Variants in TJP2 observed in about 807,000 individuals in gnomAD.
TJP2 encodes tight junction protein 2, also known as Friedreich ataxia region gene X104 (tight junction protein ZO-2).
In TJP2, 91 loss-of-function variants were observed where a neutral mutation model predicts 133.1. That is an observed-to-expected ratio of 0.68 (90% CI 0.58 to 0.81). TJP2 has a LOEUF of 0.81. TJP2 is among the 40% of genes least tolerant of loss of function. The probability of loss-of-function intolerance (pLI) is 0.00; values close to 1 mark genes in which losing one functional copy is unlikely to be tolerated. For synonymous variants in TJP2, 592 were observed against 583.4 expected (o/e 1.01, Z -0.21); for missense variants, 1,541 against 1,565.6 (o/e 0.98, Z 0.26).
At chr9:69,205,231 C>T (rs781746763) in intron 1 of TJP2, 36 of 1,537,070 alleles carry the variant, frequency 2.3e-5, no homozygotes, top group South Asian at 7.1e-5. Flanking sequence ...ATGGAAAGGC[C>T]GTGTGAGTCC....
chr9:69,132,146 G>A (rs1043629445), intron 1 of TJP2, among the ~76,000 whole-genome samples: 6 of 152,180 alleles, frequency 3.9e-5, no homozygotes, highest in Admixed American at 1.3e-4. Context: ...TCACTGCCCC[G>A]GGTTTTTACT....
intron 22 of TJP2, 71 bp downstream of exon 22, chr9:69,252,971 T>A (rs976898947): frequency 2.8e-6 from 4 of 1,446,754 alleles, no homozygotes; most frequent in Non-Finnish European, 2.9e-6. Flanking sequence ...AGAAAGAATT[T>A]CCTTTACCCA....
At position 69,221,436 on chromosome 9, in the gene TJP2, G is replaced by A. The variant is rs1483739688; in HGVS notation, c.892G>A (p.Glu298Lys). ...CCCGCACTCACGGAGCCCCAGCCCC[G>A]AGCCTAGGGGGCGGCCGGGGCCCAT... Reference protein sequence around the residue: ...EHPHSRSPSPEPRGRPGPIGV... With the variant: ...EHPHSRSPSPKPRGRPGPIGV... The change falls in exon 5 of 23, where the codon GAG (glutamate) becomes AAG (lysine). Residue 298 changes from glutamate to lysine, a missense_variant. By Grantham distance (56) the Glu-to-Lys change is moderately conservative. Coordinates refer to ENST00000377245, the MANE Select transcript of TJP2 (RefSeq NM_004817.4). 3.8e-6 allele frequency: 6 copies of A among 1,591,890 alleles called. No homozygotes were observed. The highest frequency in any genetic ancestry group is 5.1e-6 in the Non-Finnish European group (6 of 1,169,134).
intron 7 of TJP2, among the ~76,000 whole-genome samples, chr9:69,227,458 G>A (rs1829437700): frequency 6.6e-6 from 1 of 152,102 alleles, no homozygotes; most frequent in Non-Finnish European, 1.5e-5. Context: ...GGGCTGCTTG[G>A]GAAGAATTAG....
intron 1 of TJP2, among the ~76,000 whole-genome samples, chr9:69,125,440 G>A (rs1383871083): frequency 1.4e-5 from 1 of 71,094 alleles, no homozygotes; most frequent in African/African-American, 4.4e-5. Context: ...CCAAGCAGCT[G>A]GGACTACAGG....
chr9:69,121,988 G>C (rs141553042), intron 1 of TJP2: 27 of 152,322 alleles, frequency 1.8e-4, no homozygotes, highest in African/African-American at 5.8e-4. Context: ...GTACTTCATC[G>C]GGCATTTACT....
chr9:69,129,475 C>T (rs1822392790), intron 1 of TJP2, among the ~76,000 whole-genome samples: 1 of 151,950 alleles, frequency 6.6e-6, no homozygotes, highest in South Asian at 2.1e-4. Context: ...TGCACCACTG[C>T]ACTCCACCTG....
At chr9:69,133,788 T>A (rs555372737) in intron 1 of TJP2, among the ~76,000 whole-genome samples, 12 of 151,270 alleles carry the variant, frequency 7.9e-5, no homozygotes, top group African/African-American at 2.4e-4. Context: ...TGACCTCAAG[T>A]GACCCGCCTG....
At chr9:69,243,430 T>C (rs1830704125) in intron 17 of TJP2, among the ~76,000 whole-genome samples, 1 of 152,258 alleles carries the variant, frequency 6.6e-6, no homozygotes, top group Non-Finnish European at 1.5e-5. Context: ...AGAAGCTTTA[T>C]TCTGAGATTT....
In TJP2 at chr9:69,227,978, C is replaced by A; in HGVS notation, c.1320-3C>A. 6.2e-7 allele frequency: 1 copy of A among 1,614,136 alleles called. No homozygotes were observed. Among genetic ancestry groups the A allele is most frequent in the Non-Finnish European group, 8.5e-7 (1 of 1,180,014 alleles). ...AGACATTTACGTATGACATGTGATT[C>A]AGTTCCAGAGAGGACACGCCGAGCA... On this transcript the variant is annotated splice_polypyrimidine_tract_variant and splice_region_variant and intron_variant, in intron 8 of 22. Coordinates refer to ENST00000377245, the MANE Select transcript of TJP2 (RefSeq NM_004817.4).
chr9:69,217,921 C>T (rs1828515337), intron 3 of TJP2, among the ~76,000 whole-genome samples: 1 of 152,146 alleles, frequency 6.6e-6, no homozygotes, highest in Admixed American at 6.5e-5. Flanking sequence ...GCCCACCGTG[C>T]ACCTCAGGCA....
chr9:69,143,709 T>C (rs1326198553), intron 1 of TJP2, among the ~76,000 whole-genome samples: 3 of 152,210 alleles, frequency 2.0e-5, no homozygotes, highest in Non-Finnish European at 4.4e-5. Context: ...AAGTGGGAGC[T>C]CTTGGTCTTT....
chr9:69,252,879 C>A lies in TJP2; in HGVS notation c.3386C>A (p.Pro1129His). The A allele has an allele frequency of 6.2e-7, 1 of 1,614,222 alleles. No individual in the cohort carries two copies. The highest frequency in any genetic ancestry group is 8.5e-7 in the Non-Finnish European group (1 of 1,180,046). The part of the protein sequence containing the change: ...AVPIKTHKPD[P>H]GTPQHTSSRP... ...CCAATCAAAACGCACAAGCCAGACC[C>A]TGGCACGCCCCAGCACACGAGGTAA... Residue 1129 changes from proline to histidine, a missense_variant, in exon 22 of 23, where the codon CCT becomes CAT. Coordinates refer to ENST00000377245, the MANE Select transcript of TJP2 (RefSeq NM_004817.4).
At chr9:69,231,456 G>A (rs1331800825) in intron 11 of TJP2, among the ~76,000 whole-genome samples, 9 of 138,146 alleles carry the variant, frequency 6.5e-5, no homozygotes, top group African/African-American at 2.3e-4. Flanking sequence ...TCATATATAT[G>A]AGGTTTTTTT....
At chr9:69,219,685 AG>A (rs1436523461) in intron 4 of TJP2, among the ~76,000 whole-genome samples, 1 of 152,140 alleles carries the variant, frequency 6.6e-6, no homozygotes, top group Admixed American at 6.5e-5. Context: ...CAGCCTCCCA[AG>A]GTGCTGGGAT....
intron 2 of TJP2, among the ~76,000 whole-genome samples, chr9:69,154,294 T>C (rs1823629702): frequency 6.6e-6 from 1 of 152,278 alleles, no homozygotes; most frequent in South Asian, 2.1e-4. Flanking sequence ...CCGCTCAAGT[T>C]TGTTGAGCAA....
Position 69,249,490 on chromosome 9 carries a change from G to C in TJP2, c.2991+5G>C. 6.3e-7 allele frequency: 1 copy of C among 1,598,864 alleles called. No individual in the cohort carries two copies. Among genetic ancestry groups the C allele is most frequent in the Admixed American group, 1.7e-5 (1 of 58,540 alleles). On this transcript the variant is annotated splice_donor_5th_base_variant and intron_variant, in intron 20 of 22. Transcript: ENST00000377245. The stretch of plus-strand genomic sequence containing the variant: ...TTCAAGCCAGAGCCGCCCAAGGTAC[G>C]TGGCTGGGAAGCCCAGGATGGGAAG...
chr9:69,122,984 C>T (rs1399544776), intron 1 of TJP2, among the ~76,000 whole-genome samples: 6 of 152,096 alleles, frequency 3.9e-5, no homozygotes, highest in African/African-American at 1.4e-4. Context: ...TGTCTTGCCA[C>T]TTTAAGGTCA....
chr9:69,238,826 G>T, intron 16 of TJP2, 37 bp downstream of exon 16: 2 of 1,498,002 alleles, frequency 1.3e-6, no homozygotes, highest in Non-Finnish European at 1.9e-6. Context: ...TTTTCAGAAA[G>T]AATTAGATTA....
Sources: allele counts gnomAD v4.1 joint callset (sites outside exome capture counted in the v4.1 genomes callset), GRCh38; gene constraint gnomAD v4.1.1; transcripts MANE v1.5; gene names NCBI Gene and HGNC (gene_info 2026-07-23, HGNC 2026-07-21).